The following ZSCAN5A variants were observed in gnomAD, a reference collection of about 807,000 sequenced individuals.
The protein encoded by ZSCAN5A is zinc finger and SCAN domain containing 5A.
Under a neutral mutation model 23.7 loss-of-function variants are expected in ZSCAN5A, and 12 were observed. That is an observed-to-expected ratio of 0.51 (90% CI 0.32 to 0.82). ZSCAN5A has a LOEUF of 0.82. ZSCAN5A is among the 40% of genes least tolerant of loss of function. The pLI, the probability that ZSCAN5A is intolerant of heterozygous loss-of-function variation, is 0.03. For missense variants in ZSCAN5A, 597 were observed against 617.9 expected, an observed-to-expected ratio of 0.97 and a Z score of 0.36; for synonymous variants, 257 against 239.9, an observed-to-expected ratio of 1.07 and a Z score of -0.66.
chr19:56,329,387 G>C (rs188934007), intron 2 of ZSCAN5A, among the ~76,000 whole-genome samples: 2 of 151,796 alleles, frequency 1.3e-5, no homozygotes, highest in African/African-American at 4.8e-5. Context: ...AACAAAAGTT[G>C]AACTAAATAA....
intron 2 of ZSCAN5A, chr19:56,310,249 G>C (rs1211701764): frequency 6.6e-6 from 1 of 152,288 alleles, no homozygotes; most frequent in Non-Finnish European, 1.5e-5. Context: ...CCTGTGTGGA[G>C]GGTAATGAAC....
chr19:56,243,014 A>G (rs867998244), intron 2 of ZSCAN5A, among the ~76,000 whole-genome samples: 3 of 152,262 alleles, frequency 2.0e-5, no homozygotes, highest in Middle Eastern at 3.4e-3. Flanking sequence ...CCTGACCTCA[A>G]GTGATCCTCC....
chr19:56,252,803 G>T (rs1444712176), intron 2 of ZSCAN5A, among the ~76,000 whole-genome samples: 1 of 152,240 alleles, frequency 6.6e-6, no homozygotes, highest in Non-Finnish European at 1.5e-5. Flanking sequence ...GCCTTCTGGG[G>T]TCCAGGGGCC....
chr19:56,329,796 T>C (rs1365121022), intron 2 of ZSCAN5A, among the ~76,000 whole-genome samples: 1 of 152,210 alleles, frequency 6.6e-6, no homozygotes, highest in Non-Finnish European at 1.5e-5. Context: ...AGTTTATTTA[T>C]CCCAACAATG....
At chr19:56,282,683 C>T (rs1372585177) in intron 2 of ZSCAN5A, among the ~76,000 whole-genome samples, 1 of 152,156 alleles carries the variant, frequency 6.6e-6, no homozygotes, top group Non-Finnish European at 1.5e-5. Context: ...CAACAAAAGC[C>T]CTTTTACTTG....
chr19:56,282,539 T>C, intron 2 of ZSCAN5A: 1 of 984,808 alleles, frequency 1.0e-6, no homozygotes, highest in South Asian at 4.7e-5. Context: ...TGGGGTCTGT[T>C]TGCCTTTGTC....
intron 2 of ZSCAN5A, among the ~76,000 whole-genome samples, chr19:56,231,204 C>A (rs984367840): frequency 6.6e-6 from 1 of 151,992 alleles, no homozygotes; most frequent in Non-Finnish European, 1.5e-5. Flanking sequence ...CAGAGCCAGA[C>A]CCTTTCTCAA....
At chr19:56,285,204 G>A (rs560174985) in intron 2 of ZSCAN5A, among the ~76,000 whole-genome samples, 24 of 152,302 alleles carry the variant, frequency 1.6e-4, no homozygotes, top group African/African-American at 5.5e-4. Flanking sequence ...TAAGGTTACA[G>A]CTAGAATTTT....
At chr19:56,313,863 A>C (rs551545001) in intron 1 of ZSCAN5A, among the ~76,000 whole-genome samples, 1 of 152,206 alleles carries the variant, frequency 6.6e-6, no homozygotes, top group South Asian at 2.1e-4. Context: ...TCATCTGGTG[A>C]GAGTTTACTG....
At chr19:56,246,449 A>G (rs750735410) in intron 2 of ZSCAN5A, 10 of 578,220 alleles carry the variant, frequency 1.7e-5, no homozygotes, top group Non-Finnish European at 2.8e-5. Flanking sequence ...CCAGAGCCTC[A>G]GCTTCCAAAC....
rs58178989 is a variant in ZSCAN5A, at chr19:56,251,557, T to C, written c.-127-26384A>G. Among the ~76,000 whole-genome samples the C allele has an allele frequency of 2.7e-3, 414 of 152,000 alleles. 2 individuals carry two copies. The highest frequency in any genetic ancestry group is 8.4e-3 in the African/African-American group (349 of 41,436). On this transcript the variant is annotated intron_variant, in intron 2 of 5. Coordinates refer to ENST00000683990, the MANE Select transcript of ZSCAN5A (RefSeq NM_001322064.3). ...CCTTCAATAGCCCACAGCTAGAAAA[T>C]AGTTTTGTGTGTGTGTGTTTTACAG... is the stretch of plus-strand genomic sequence containing the variant.
At chr19:56,321,639 C>T (rs944475667) in intron 2 of ZSCAN5A, 68 of 906,714 alleles carry the variant, frequency 7.5e-5, no homozygotes, top group Admixed American at 1.2e-4. Context: ...ATCCATGCAT[C>T]GTTATGTCGT....
intron 2 of ZSCAN5A, chr19:56,244,401 G>A (rs4801693): frequency 0.49 from 760,492 of 1,563,908 alleles, 181,220 homozygotes; most frequent in East Asian, 0.55. Flanking sequence ...GACCTGCTAC[G>A]AAATAACAGA....
intron 2 of ZSCAN5A, among the ~76,000 whole-genome samples, chr19:56,361,345 C>G (rs2041732391): frequency 6.6e-6 from 1 of 152,152 alleles, no homozygotes; most frequent in Non-Finnish European, 1.5e-5. Flanking sequence ...CCCAGCAATC[C>G]CATTATGGGG....
intron 2 of ZSCAN5A, among the ~76,000 whole-genome samples, chr19:56,333,867 A>T (rs1453266314): frequency 6.6e-6 from 1 of 151,640 alleles, no homozygotes; most frequent in African/African-American, 2.4e-5. Context: ...ATATATATAT[A>T]TATATAAGAA....
At chr19:56,238,761 G>A (rs113399634) in intron 2 of ZSCAN5A, among the ~76,000 whole-genome samples, 5,342 of 151,492 alleles carry the variant, frequency 0.035, 360 homozygotes, top group East Asian at 0.27. Flanking sequence ...TTCATAAATC[G>A]GAAGAATTCA....
At chr19:56,274,290 C>A (rs534391375) in intron 2 of ZSCAN5A, among the ~76,000 whole-genome samples, 15 of 152,068 alleles carry the variant, frequency 9.9e-5, no homozygotes, top group Admixed American at 1.3e-4. Context: ...CCCATCTCTA[C>A]TAAAAATACA....
intron 2 of ZSCAN5A, among the ~76,000 whole-genome samples, chr19:56,338,861 C>G (rs2147445803): frequency 6.6e-6 from 1 of 152,300 alleles, no homozygotes. Context: ...AAAGTTTTGG[C>G]TGAAGCAGAA....
intron 2 of ZSCAN5A, among the ~76,000 whole-genome samples, chr19:56,239,896 G>A (rs549640795): frequency 1.3e-5 from 2 of 152,152 alleles, no homozygotes; most frequent in African/African-American, 4.8e-5. Flanking sequence ...AGGTGTGGTG[G>A]CTCACGCCTG....
Sources: allele counts gnomAD v4.1 joint callset (sites outside exome capture counted in the v4.1 genomes callset), GRCh38; gene constraint gnomAD v4.1.1; transcripts MANE v1.5; gene names NCBI Gene and HGNC (gene_info 2026-07-23, HGNC 2026-07-21).